KCNB2: variants seen among roughly 807,000 people sequenced by gnomAD.
KCNB2 encodes the protein potassium voltage-gated channel subfamily B member 2.
In KCNB2, 15 loss-of-function variants were observed where a neutral mutation model predicts 61.5. That is an observed-to-expected ratio of 0.24 (90% CI 0.16 to 0.38). The LOEUF is 0.38. Among genes scored for constraint, KCNB2 ranks in the 10% least tolerant of loss-of-function variants. The pLI is 1.00. For synonymous variants in KCNB2, 457 were observed against 446.0 expected, an observed-to-expected ratio of 1.02 and a Z score of -0.31; for missense variants, 828 against 1,125.2, an observed-to-expected ratio of 0.74 and a Z score of 3.78.
At chr8:72,720,174 A>G (rs1198991022) in intron 2 of KCNB2, among the ~76,000 whole-genome samples, 1 of 152,182 alleles carries the variant, frequency 6.6e-6, no homozygotes, top group Non-Finnish European at 1.5e-5. Flanking sequence ...AACATGACTA[A>G]GTCCCGATCT....
At chr8:72,671,883 C>A (rs1346361459) in intron 2 of KCNB2, among the ~76,000 whole-genome samples, 1 of 152,148 alleles carries the variant, frequency 6.6e-6, no homozygotes, top group Non-Finnish European at 1.5e-5. Context: ...TTCCCCAAAT[C>A]TTTTGAGTTG....
At chr8:72,746,189 T>G (rs1808061606) in intron 2 of KCNB2, among the ~76,000 whole-genome samples, 1 of 152,102 alleles carries the variant, frequency 6.6e-6, no homozygotes, top group African/African-American at 2.4e-5. Flanking sequence ...AGCACCCCTT[T>G]CCCAAGCAGT....
At chr8:72,832,024 A>G (rs1809706701) in intron 2 of KCNB2, among the ~76,000 whole-genome samples, 1 of 152,224 alleles carries the variant, frequency 6.6e-6, no homozygotes, top group Non-Finnish European at 1.5e-5. Context: ...GAAATCTTCA[A>G]ATATAAACAT....
At chr8:72,889,179 A>G (rs1444925225) in intron 2 of KCNB2, among the ~76,000 whole-genome samples, 1 of 152,140 alleles carries the variant, frequency 6.6e-6, no homozygotes, top group Non-Finnish European at 1.5e-5. Flanking sequence ...ATGGTTGGAA[A>G]ACCCCTTTGC....
chr8:72,844,287 G>C (rs1027401738), intron 2 of KCNB2, among the ~76,000 whole-genome samples: 2 of 152,174 alleles, frequency 1.3e-5, no homozygotes, highest in African/African-American at 4.8e-5. Flanking sequence ...CTGACTTGTA[G>C]GGTTTCTGCT....
At chr8:72,672,171 A>G (rs1806576016) in intron 2 of KCNB2, among the ~76,000 whole-genome samples, 1 of 152,228 alleles carries the variant, frequency 6.6e-6, no homozygotes, top group South Asian at 2.1e-4. Context: ...GGCTAGATCC[A>G]ATATTCATTG....
At chr8:72,606,056 A>G (rs1805442204) in intron 2 of KCNB2, among the ~76,000 whole-genome samples, 1 of 152,210 alleles carries the variant, frequency 6.6e-6, no homozygotes, top group Non-Finnish European at 1.5e-5. Context: ...ACAGGACTCA[A>G]AGCTGGTGAG....
intron 2 of KCNB2, among the ~76,000 whole-genome samples, chr8:72,727,387 C>A (rs1807669964): frequency 1.3e-5 from 2 of 152,150 alleles, no homozygotes; most frequent in South Asian, 4.1e-4. Flanking sequence ...TTAACCAAGA[C>A]TTTTGCTCCT....
chr8:72,639,531 C>T (rs904171004), intron 2 of KCNB2, among the ~76,000 whole-genome samples: 8 of 152,108 alleles, frequency 5.3e-5, no homozygotes, highest in African/African-American at 1.9e-4. Context: ...TTCTTTTCTG[C>T]CTCTCACCCA....
At chr8:72,667,004 T>A (rs77233554) in intron 2 of KCNB2, among the ~76,000 whole-genome samples, 4 of 120,782 alleles carry the variant, frequency 3.3e-5, no homozygotes, top group African/African-American at 1.0e-4. Context: ...TGTGTGTGTG[T>A]GTGAGAGAGA....
chr8:72,865,586 A>G (rs1313585185), intron 2 of KCNB2, among the ~76,000 whole-genome samples: 2 of 152,208 alleles, frequency 1.3e-5, no homozygotes, highest in Non-Finnish European at 2.9e-5. Flanking sequence ...ATTGCTTAAT[A>G]TTAGTCTTCA....
chr8:72,586,782 C>T lies in KCNB2; in HGVS notation c.579+18469C>T, dbSNP rs150360560. ...CTGTCCAGACATTGTAAACAACCCT[C>T]GAAAAAAGAAGGCAAACTATAGTCA... On this transcript the variant is annotated intron_variant, in intron 2 of 2. Transcript: ENST00000523207. Among the ~76,000 whole-genome samples the T allele has an allele frequency of 3.2e-3, 486 of 152,234 alleles. 9 individuals are homozygous for T. In the South Asian group the frequency reaches 0.052, roughly 16 times the overall value.
rs184282357 is a variant in KCNB2 at position 72,654,311 on chromosome 8, A to T, written c.579+85998A>T. On this transcript the variant is annotated intron_variant, in intron 2 of 2. Transcript: ENST00000523207. ...TATGAATAAGTGTATATCATGAAGT[A>T]TATCTCAGGCTTCTCAAATTATAAG... is the stretch of plus-strand genomic sequence containing the variant. 2.3e-3 allele frequency among the ~76,000 whole-genome samples: 347 copies of T among 152,326 alleles called. 1 individual carries two copies. The highest frequency in any genetic ancestry group is 3.8e-3 in the Non-Finnish European group (256 of 68,028).
At chr8:72,545,381 A>G (rs1245746977) in intron 1 of KCNB2, among the ~76,000 whole-genome samples, 4 of 152,134 alleles carry the variant, frequency 2.6e-5, no homozygotes, top group African/African-American at 4.8e-5. Flanking sequence ...CGTTTTTCCA[A>G]CAGTGTGCTC....
intron 2 of KCNB2, among the ~76,000 whole-genome samples, chr8:72,575,901 A>G (rs1585761263): frequency 6.6e-6 from 1 of 152,228 alleles, no homozygotes; most frequent in East Asian, 1.9e-4. Flanking sequence ...TTCATAAACA[A>G]AATATGTTCA....
intron 2 of KCNB2, among the ~76,000 whole-genome samples, chr8:72,614,847 A>G (rs1023128049): frequency 1.3e-5 from 2 of 152,334 alleles, no homozygotes; most frequent in South Asian, 4.1e-4. Flanking sequence ...CAGAGATGCC[A>G]TAACTTACAT....
chr8:72,778,509 A>G (rs922361262), intron 2 of KCNB2, among the ~76,000 whole-genome samples: 5 of 151,750 alleles, frequency 3.3e-5, no homozygotes, highest in Admixed American at 3.3e-4. Flanking sequence ...AGGTTCAAGC[A>G]GGCAGATTGC....
chr8:72,628,544 A>G (rs776129667), intron 2 of KCNB2, among the ~76,000 whole-genome samples: 4 of 152,112 alleles, frequency 2.6e-5, no homozygotes, highest in African/African-American at 4.8e-5. Context: ...AGAGCTAACC[A>G]TGCATCAAAA....
At chr8:72,713,162 G>A (rs1807356196) in intron 2 of KCNB2, among the ~76,000 whole-genome samples, 1 of 152,242 alleles carries the variant, frequency 6.6e-6, no homozygotes, top group Admixed American at 6.5e-5. Flanking sequence ...AAGTGGCCAG[G>A]AAGCTCAAAC....
Sources: allele counts gnomAD v4.1 joint callset (sites outside exome capture counted in the v4.1 genomes callset), GRCh38; gene constraint gnomAD v4.1.1; transcripts MANE v1.5; gene names NCBI Gene and HGNC (gene_info 2026-07-23, HGNC 2026-07-21).